The following CLIC4 variants were observed in gnomAD, a reference collection of about 807,000 sequenced individuals.
CLIC4 encodes CLIC family member 4, also known as chloride intracellular channel protein 4.
In CLIC4, 13 loss-of-function variants were observed where a neutral mutation model predicts 24.6. That is an observed-to-expected ratio of 0.53 (90% CI 0.34 to 0.84). The LOEUF (loss-of-function observed/expected upper bound fraction) is 0.84. Among genes scored for constraint, CLIC4 ranks in the 40% least tolerant of loss-of-function variants. The probability of loss-of-function intolerance (pLI) is 0.01; values close to 1 mark genes in which losing one functional copy is unlikely to be tolerated. For synonymous variants in CLIC4, 104 were observed against 111.3 expected, an observed-to-expected ratio of 0.93 and a Z score of 0.41; for missense variants, 227 against 301.7, an observed-to-expected ratio of 0.75 and a Z score of 1.83.
chr1:24,780,406 T>C (rs996360595), intron 1 of CLIC4, among the ~76,000 whole-genome samples: 13 of 152,246 alleles, frequency 8.5e-5, no homozygotes, highest in African/African-American at 3.1e-4. Context: ...TTGTTCCCTC[T>C]TTGCATAAAA....
chr1:24,773,160 A>T (rs1420737042), intron 1 of CLIC4, among the ~76,000 whole-genome samples: 1 of 152,060 alleles, frequency 6.6e-6, no homozygotes, highest in East Asian at 1.9e-4. Flanking sequence ...CTTCACCTGG[A>T]ATGTAATCTC....
In CLIC4 at chr1:24,814,224, G is replaced by A; in HGVS notation, c.308+5G>A. On this transcript the variant is annotated splice_donor_5th_base_variant and intron_variant, in intron 3 of 5. Transcript: ENST00000374379. ...AGAAGTCTTATGCCCTCCCAAGTGA[G>A]TATCAAGGAAAATACGTATGAAAAT... 6.2e-7 allele frequency: 1 copy of A among 1,607,604 alleles called. No individual in the cohort carries two copies. The highest frequency in any genetic ancestry group is 8.5e-7 in the Non-Finnish European group (1 of 1,178,042).
At chr1:24,794,746 C>G (rs1457561991) in intron 1 of CLIC4, among the ~76,000 whole-genome samples, 1 of 152,138 alleles carries the variant, frequency 6.6e-6, no homozygotes, top group Non-Finnish European at 1.5e-5. Context: ...TTTTTGGCAT[C>G]TTCGTCATGA....
intron 4 of CLIC4, among the ~76,000 whole-genome samples, chr1:24,828,688 G>T (rs1444215841): frequency 1.3e-5 from 2 of 150,656 alleles, no homozygotes; most frequent in Admixed American, 6.6e-5. Flanking sequence ...TGAGGATGGG[G>T]CGGGGTGGGG....
Position 24,843,801 on chromosome 1 carries a change from C to A in CLIC4, c.*2864C>A, listed in dbSNP as rs964636767. 2 of 152,586 alleles carry A rather than the reference C, an allele frequency of 1.3e-5. No individual in the cohort carries two copies. Among genetic ancestry groups the A allele is most frequent in the Non-Finnish European group, 2.9e-5 (2 of 68,012 alleles). 9.5% of individuals were successfully genotyped at this position (152,586 alleles called of 1,614,324 possible). On this transcript the variant is annotated 3_prime_UTR_variant, in exon 6 of 6. Coordinates refer to ENST00000374379, the MANE Select transcript of CLIC4 (RefSeq NM_013943.3). ...TGTTAACTTCTGTTGTGTTTTGAAT[C>A]TCTCCAGAGTTGCATGTAGATAGCA...
At position 24,826,997 on chromosome 1, in the gene CLIC4, T is replaced by G; in HGVS notation, c.309-13T>G. ...TTGAAGGATCTATAATCCATATCAC[T>G]TTTTCTATTTAGGTACTTAAAGCTT... On this transcript the variant is annotated splice_polypyrimidine_tract_variant and intron_variant, in intron 3 of 5. Coordinates refer to ENST00000374379, the MANE Select transcript of CLIC4 (RefSeq NM_013943.3). 1 of 1,569,842 alleles carries G rather than the reference T, an allele frequency of 6.4e-7. No individual in the cohort carries two copies. Among genetic ancestry groups the G allele is most frequent in the Non-Finnish European group, 8.7e-7 (1 of 1,151,608 alleles).
chr1:24,829,762 T>G (rs1019366101), intron 4 of CLIC4, among the ~76,000 whole-genome samples: 5 of 152,232 alleles, frequency 3.3e-5, no homozygotes, highest in Non-Finnish European at 7.3e-5. Flanking sequence ...AGTTCCTTTT[T>G]ATTCAGGATC....
rs1639595295 is a variant in CLIC4, at chr1:24,809,970, G to T, written c.183-4124G>T. 2.0e-5 allele frequency among the ~76,000 whole-genome samples: 3 copies of T among 152,298 alleles called. No individual in the cohort carries two copies. The South Asian group carries it at 6.2e-4, about 32-fold the overall frequency. On this transcript the variant is annotated intron_variant, in intron 2 of 5. Coordinates refer to ENST00000374379, the MANE Select transcript of CLIC4 (RefSeq NM_013943.3). ...TATAATTATGAAAGTTTTCAAACAT[G>T]CATAAGAATAGAATAAACTTCTCCG...
intron 1 of CLIC4, among the ~76,000 whole-genome samples, chr1:24,750,710 A>T (rs1451357116): frequency 6.6e-6 from 1 of 152,078 alleles, no homozygotes; most frequent in Non-Finnish European, 1.5e-5. Flanking sequence ...CTAATTGTGT[A>T]TCCCAGGATA....
intron 1 of CLIC4, among the ~76,000 whole-genome samples, chr1:24,776,541 A>T (rs913871102): frequency 2.0e-5 from 3 of 152,222 alleles, no homozygotes; most frequent in African/African-American, 7.2e-5. Context: ...TAAATTTTAG[A>T]ATAGTTTTAG....
chr1:24,803,635 C>T (rs1460843623), intron 2 of CLIC4, among the ~76,000 whole-genome samples: 1 of 152,106 alleles, frequency 6.6e-6, no homozygotes, highest in East Asian at 1.9e-4. Flanking sequence ...AAAAAAAGGG[C>T]CCAGGCTTCA....
intron 2 of CLIC4, among the ~76,000 whole-genome samples, chr1:24,799,463 G>A (rs1397120199): frequency 2.1e-5 from 3 of 143,632 alleles, no homozygotes; most frequent in Non-Finnish European, 3.0e-5. Flanking sequence ...CAGCTGCCCC[G>A]TCTGAGAAGT....
At chr1:24,824,033 G>C (rs1472361347) in intron 3 of CLIC4, among the ~76,000 whole-genome samples, 1 of 152,182 alleles carries the variant, frequency 6.6e-6, no homozygotes, top group Non-Finnish European at 1.5e-5. Flanking sequence ...CTTTTGCTAA[G>C]TGTTAAAATG....
In CLIC4 at chr1:24,830,377, G is replaced by GAA. The variant is rs569429412; in HGVS notation, c.415+3263_415+3264dup. 4.0e-3 allele frequency among the ~76,000 whole-genome samples: 610 copies of GAA among 151,474 alleles called. 5 individuals carry two copies. The highest frequency in any genetic ancestry group is 7.0e-3 in the Middle Eastern group (2 of 286). ...AAATATAGATCTACCTCAATTTTTA[G>GAA]AAATTCTGCTTTGTATTTTATAATA... On this transcript the variant is annotated intron_variant, in intron 4 of 5. Transcript: ENST00000374379.
chr1:24,751,629 A>AC (rs1473603540), intron 1 of CLIC4, among the ~76,000 whole-genome samples: 1 of 152,154 alleles, frequency 6.6e-6, no homozygotes, highest in Non-Finnish European at 1.5e-5. Flanking sequence ...TAACTCTTGA[A>AC]CCACAAATGA....
chr1:24,775,639 ATATTG>A (rs1557799603), intron 1 of CLIC4, among the ~76,000 whole-genome samples: 2 of 149,336 alleles, frequency 1.3e-5, no homozygotes, highest in Non-Finnish European at 3.0e-5. Flanking sequence ...AATAATTTAG[ATATTG>A]TAGTTTTTAG....
At chr1:24,809,424 C>T (rs544008436) in intron 2 of CLIC4, among the ~76,000 whole-genome samples, 9 of 152,228 alleles carry the variant, frequency 5.9e-5, no homozygotes, top group Non-Finnish European at 1.2e-4. Flanking sequence ...TGATTCCCCT[C>T]TATCTTGAAA....
intron 2 of CLIC4, among the ~76,000 whole-genome samples, chr1:24,810,524 G>A (rs1325552652): frequency 1.3e-5 from 2 of 152,100 alleles, no homozygotes; most frequent in African/African-American, 4.8e-5. Flanking sequence ...TCAGTTATGT[G>A]GGTTATATCT....
At chr1:24,745,705 C>T (rs1638679972) in intron 1 of CLIC4, 80 bp downstream of exon 1, 3 of 1,166,396 alleles carry the variant, frequency 2.6e-6, no homozygotes, top group Non-Finnish European at 3.5e-6. Flanking sequence ...CCGGGGCTCT[C>T]CTGAGGCGCC....
Sources: gnomAD v4.1 joint callset for allele counts (sites outside exome capture counted in the v4.1 genomes callset) on GRCh38, gnomAD v4.1.1 for gene constraint, MANE v1.5 for transcripts, NCBI Gene and HGNC (gene_info 2026-07-23, HGNC 2026-07-21) for gene names.